The following BAIAP2L1 variants were observed in gnomAD, a reference collection of about 807,000 sequenced individuals.
BAIAP2L1 encodes BAR/IMD domain-containing adapter protein 2-like 1.
BAIAP2L1 carries 35 observed loss-of-function variants against 66.3 expected under a neutral mutation model. The ratio of observed to expected loss-of-function variants is 0.53; its 90% CI spans 0.40 to 0.70. The LOEUF (loss-of-function observed/expected upper bound fraction) is 0.70. BAIAP2L1 is among the 30% of genes least tolerant of loss of function. The pLI is 0.00. For synonymous variants in BAIAP2L1, 269 were observed against 248.7 expected (o/e 1.08, Z -0.77); for missense variants, 622 against 656.9 (o/e 0.95, Z 0.58).
chr7:98,340,974 T>TC, intron 3 of BAIAP2L1, among the ~76,000 whole-genome samples: 1 of 150,824 alleles, frequency 6.6e-6, no homozygotes, highest in South Asian at 2.1e-4. Context: ...TTTTTTTTTT[T>TC]TGTCTCTTAC....
chr7:98,319,545 T>C (rs998173907), intron 5 of BAIAP2L1, among the ~76,000 whole-genome samples: 3 of 143,312 alleles, frequency 2.1e-5, no homozygotes, highest in Admixed American at 1.5e-4. Flanking sequence ...CTTTTTCCTA[T>C]GCCTTTTTTT....
intron 1 of BAIAP2L1, among the ~76,000 whole-genome samples, chr7:98,385,515 G>A (rs1802865578): frequency 6.6e-6 from 1 of 151,888 alleles, no homozygotes; most frequent in South Asian, 2.1e-4. Context: ...CGACCTCCCG[G>A]ACTCAAGCGA....
At chr7:98,307,337 C>G in intron 10 of BAIAP2L1, 1 of 1,026,434 alleles carries the variant, frequency 9.7e-7, no homozygotes. Flanking sequence ...AACTCCTAAC[C>G]TCAGGTGATC....
At chr7:98,344,558 C>T (rs1801828045) in intron 3 of BAIAP2L1, among the ~76,000 whole-genome samples, 1 of 152,180 alleles carries the variant, frequency 6.6e-6, no homozygotes, top group Non-Finnish European at 1.5e-5. Context: ...GACAGATTTG[C>T]CGATCATTTA....
At chr7:98,321,834 C>A (rs1000546831) in intron 3 of BAIAP2L1, among the ~76,000 whole-genome samples, 1 of 152,150 alleles carries the variant, frequency 6.6e-6, no homozygotes, top group East Asian at 1.9e-4. Flanking sequence ...TGGTGGCTCA[C>A]GCCTGTCATC....
chr7:98,386,284 C>T, intron 1 of BAIAP2L1: 1 of 1,595,626 alleles, frequency 6.3e-7, no homozygotes, highest in East Asian at 2.2e-5. Flanking sequence ...AAGATCCATG[C>T]CATGGAAGTT....
intron 3 of BAIAP2L1, among the ~76,000 whole-genome samples, chr7:98,340,677 T>C (rs1801721580): frequency 1.3e-5 from 2 of 152,182 alleles, no homozygotes; most frequent in African/African-American, 4.8e-5. Context: ...GTAACAACTT[T>C]TGTAAACAAG....
chr7:98,380,657 T>C (rs1175055425), intron 1 of BAIAP2L1, among the ~76,000 whole-genome samples: 1 of 150,408 alleles, frequency 6.6e-6, no homozygotes, highest in Non-Finnish European at 1.5e-5. Flanking sequence ...GGTTTCAGAC[T>C]CTTGGCCTCA....
chr7:98,340,083 TG>T (rs1160543048), intron 3 of BAIAP2L1, among the ~76,000 whole-genome samples: 1 of 152,154 alleles, frequency 6.6e-6, no homozygotes, highest in African/African-American at 2.4e-5. Context: ...TGAGTAACTG[TG>T]AAAACTGGGT....
Position 98,298,565 on chromosome 7 carries a change from A to G in BAIAP2L1, c.1423-4454T>C, listed in dbSNP as rs1584416827. 2.6e-5 allele frequency among the ~76,000 whole-genome samples: 4 copies of G among 152,144 alleles called. No homozygotes were observed. The South Asian group carries it at 8.3e-4, about 32-fold the overall frequency. ...GAGGTGGAGTTTGCAGTGAGCCGAG[A>G]TGGTGCCACTGCACTCCAGCCTGGG... On this transcript the variant is annotated intron_variant, in intron 12 of 13. Coordinates refer to ENST00000005260, the MANE Select transcript of BAIAP2L1 (RefSeq NM_018842.5).
intron 3 of BAIAP2L1, among the ~76,000 whole-genome samples, chr7:98,325,801 C>CCCCA (rs977195866): frequency 4.6e-4 from 70 of 152,344 alleles, no homozygotes; most frequent in African/African-American, 1.5e-3. Context: ...GCAAACCGCT[C>CCCCA]CCCAGCACAC....
intron 3 of BAIAP2L1, among the ~76,000 whole-genome samples, chr7:98,350,221 T>TTTTCTCTATTCCCCCTGTTTTCAAC (rs1801968672): frequency 6.6e-6 from 1 of 152,058 alleles, no homozygotes; most frequent in Non-Finnish European, 1.5e-5. Flanking sequence ...TGGTTTTTAA[T>TTTTCTCTATTCCCCCTGTTTTCAAC]TTTCTCTATT....
chr7:98,375,729 C>T (rs1344598076), intron 1 of BAIAP2L1, among the ~76,000 whole-genome samples: 4 of 106,898 alleles, frequency 3.7e-5, no homozygotes, highest in African/African-American at 1.4e-4. Flanking sequence ...GCGACAAAAG[C>T]GAAAGTCCAT....
At chr7:98,386,207 T>A (rs950262496) in intron 1 of BAIAP2L1, 1 of 1,521,388 alleles carries the variant, frequency 6.6e-7, no homozygotes, top group African/African-American at 1.4e-5. Flanking sequence ...TCGGTAGTCT[T>A]GACATCAACG....
chr7:98,391,155 T>G (rs904587164), intron 1 of BAIAP2L1, among the ~76,000 whole-genome samples: 1 of 151,904 alleles, frequency 6.6e-6, no homozygotes, highest in Non-Finnish European at 1.5e-5. Context: ...AAACACAGTT[T>G]AAGCAGGAAA....
intron 3 of BAIAP2L1, among the ~76,000 whole-genome samples, chr7:98,336,650 C>A (rs1184235918): frequency 1.3e-5 from 2 of 152,192 alleles, no homozygotes; most frequent in Non-Finnish European, 2.9e-5. Flanking sequence ...ATAAATATAT[C>A]ATTCTCTTAC....
intron 1 of BAIAP2L1, among the ~76,000 whole-genome samples, chr7:98,375,916 G>C (rs866076275): frequency 4.5e-4 from 69 of 152,254 alleles, no homozygotes; most frequent in African/African-American, 1.5e-3. Context: ...CACTAATTCA[G>C]ACTGCTGTTA....
intron 1 of BAIAP2L1, among the ~76,000 whole-genome samples, chr7:98,394,329 A>G (rs1367889982): frequency 1.3e-5 from 2 of 152,128 alleles, no homozygotes; most frequent in Non-Finnish European, 2.9e-5. Context: ...TTAGAGTCTA[A>G]TGAACTTCAG....
intron 3 of BAIAP2L1, among the ~76,000 whole-genome samples, chr7:98,341,070 C>T (rs558125270): frequency 6.6e-6 from 1 of 151,586 alleles, no homozygotes; most frequent in South Asian, 2.1e-4. Flanking sequence ...GAACATCCAC[C>T]CAAAAATTGA....
Sources: gnomAD v4.1 joint callset for allele counts (sites outside exome capture counted in the v4.1 genomes callset) on GRCh38, gnomAD v4.1.1 for gene constraint, MANE v1.5 for transcripts, NCBI Gene and HGNC (gene_info 2026-07-23, HGNC 2026-07-21) for gene names.